UGT2B28: variants seen among roughly 807,000 people sequenced by gnomAD.
UGT2B28 encodes UDP glucuronosyltransferase family 2 member B28.
Under a neutral mutation model 43.6 loss-of-function variants are expected in UGT2B28, and 45 were observed. The ratio of observed to expected loss-of-function variants is 1.03; its 90% CI spans 0.81 to 1.32. The LOEUF (loss-of-function observed/expected upper bound fraction) is 1.32. Ranked by LOEUF, UGT2B28 falls within the 40% of genes most tolerant of loss-of-function variation. UGT2B28 has a pLI of 0.00. For missense variants in UGT2B28, 649 were observed against 625.5 expected (o/e 1.04, Z -0.40); for synonymous variants, 204 against 208.1 (o/e 0.98, Z 0.17).
intron 2 of UGT2B28, among the ~76,000 whole-genome samples, chr4:69,284,190 A>G (rs1294995305): frequency 7.1e-6 from 1 of 140,388 alleles, no homozygotes; most frequent in Non-Finnish European, 1.5e-5. Flanking sequence ...GAGATAGTGA[A>G]CAATGCATGT....
Position 69,280,484 on chromosome 4 carries a change from G to T in UGT2B28, c.-17G>T. On this transcript the variant is annotated 5_prime_UTR_variant, in exon 1 of 6. An upstream start codon of the reference 5' UTR is lost. Coordinates refer to ENST00000335568, the MANE Select transcript of UGT2B28 (RefSeq NM_053039.2). ...AAAGAAACAGTGACTTGAAAAGAATGATTGCATTGCACCAGGATGGCTCTG... is the reference window on the plus strand; with the variant it reads ...AAAGAAACAGTGACTTGAAAAGAATTATTGCATTGCACCAGGATGGCTCTG... 6.5e-7 allele frequency: 1 copy of T among 1,541,682 alleles called. No individual in the cohort carries two copies. The highest frequency in any genetic ancestry group is 1.2e-5 in the South Asian group (1 of 81,274).
chr4:69,285,206 C>A, intron 2 of UGT2B28, among the ~76,000 whole-genome samples: 1 of 138,190 alleles, frequency 7.2e-6, no homozygotes. Context: ...ATACATTGAC[C>A]TATATAAATA....
At position 69,290,771 on chromosome 4, in the gene UGT2B28, G is replaced by C; in HGVS notation, c.1270G>C (p.Asp424His). 2.6e-6 allele frequency: 4 copies of C among 1,559,708 alleles called. No homozygotes were observed. The highest frequency in any genetic ancestry group is 3.5e-6 in the Non-Finnish European group (4 of 1,155,210). The change falls in exon 5 of 6, where the codon GAC becomes CAC. Residue 424 changes from aspartate to histidine, a missense_variant. Asp to His is a moderately conservative substitution (Grantham distance 81, BLOSUM62 -1). Transcript: ENST00000335568. ...RLDFHTMSST[D>H]LLNALKTVIN... ...GGACTTCCACACAATGTCGAGTACA[G>C]ACCTGCTGAATGCACTGAAGACAGT...
chr4:69,289,831 T>C, intron 4 of UGT2B28, 79 bp downstream of exon 4: 1 of 1,330,586 alleles, frequency 7.5e-7, no homozygotes. Flanking sequence ...GAAACATGCT[T>C]ATTGAATATT....
chr4:69,294,542 T>C lies in UGT2B28; in HGVS notation c.1323T>C (p.Asn441=), dbSNP rs1237728870. The part of the protein sequence containing the change: ...TVINDPSYKE[N]VMKLSIIQHD... ...TTTTATCCTTCAGATATAAAGAGAATGTTATGAAATTATCAATAATTCAAC... is the reference window on the plus strand; with the variant it reads ...TTTTATCCTTCAGATATAAAGAGAACGTTATGAAATTATCAATAATTCAAC... The change falls in exon 6 of 6, where the codon AAT becomes AAC. Residue 441 remains asparagine, a synonymous_variant. Coordinates refer to ENST00000335568, the MANE Select transcript of UGT2B28 (RefSeq NM_053039.2). 1.9e-6 allele frequency: 3 copies of C among 1,541,878 alleles called. No individual in the cohort carries two copies.
chr4:69,289,796 C>A, intron 4 of UGT2B28, 44 bp downstream of exon 4: 1 of 1,438,076 alleles, frequency 7.0e-7, no homozygotes, highest in South Asian at 1.3e-5. Flanking sequence ...AGTAACTGCA[C>A]ATTAGAATGT....
intron 3 of UGT2B28, among the ~76,000 whole-genome samples, chr4:69,287,942 T>C (rs1220639849): frequency 7.1e-6 from 1 of 140,664 alleles, no homozygotes; most frequent in African/African-American, 2.8e-5. Context: ...ATTGTTCACT[T>C]TATGAGGATT....
chr4:69,281,930 C>A lies in UGT2B28; in HGVS notation c.722-584C>A, dbSNP rs1336950080. Among the ~76,000 whole-genome samples the A allele has an allele frequency of 2.1e-5, 3 of 140,006 alleles. 1 individual carries two copies. The highest frequency in any genetic ancestry group is 4.6e-5 in the Non-Finnish European group (3 of 65,556). 91.8% of individuals were successfully genotyped at this position (140,006 alleles called of 152,430 possible). Reference sequence around the variant, plus strand: ...GTACAGATCTCTATTTCAATAATTTCTCAAAAATTTCTAGCTATAATTTAC... The same window carrying A: ...GTACAGATCTCTATTTCAATAATTTATCAAAAATTTCTAGCTATAATTTAC... On this transcript the variant is annotated intron_variant, in intron 1 of 5. Coordinates refer to ENST00000335568, the MANE Select transcript of UGT2B28 (RefSeq NM_053039.2).
At position 69,286,770 on chromosome 4, in the gene UGT2B28, C is replaced by T. The variant is rs200390102; in HGVS notation, c.889C>T (p.Gln297Ter). 1.1e-4 allele frequency: 176 copies of T among 1,554,816 alleles called. 23 individuals are homozygous for T. Among genetic ancestry groups the T allele is most frequent in the Non-Finnish European group, 1.4e-4 (167 of 1,154,104 alleles). ...TTCACAGGAAATGGAGGAATTTGTACAGAGCTCTGGTGAAAATGGTGTTGT... is the reference window on the plus strand; with the variant it reads ...TTCACAGGAAATGGAGGAATTTGTATAGAGCTCTGGTGAAAATGGTGTTGT... ...PLPKEMEEFV[Q>*]SSGENGVVVF... Residue 297 changes from glutamine to a stop codon, truncating the protein, a stop_gained, in exon 3 of 6, where the codon CAG becomes TAG. Transcript: ENST00000335568. LOFTEE classifies it high-confidence loss of function.
chr4:69,291,726 T>G (rs1723961037), intron 5 of UGT2B28, among the ~76,000 whole-genome samples: 1 of 100,214 alleles, frequency 1.0e-5, no homozygotes, highest in Non-Finnish European at 2.2e-5. Flanking sequence ...TTTTACTTTC[T>G]TTTGGGTTGA....
At chr4:69,282,440 C>G in intron 1 of UGT2B28, 74 bp from the exon 2 acceptor site, 2 of 1,454,948 alleles carry the variant, frequency 1.4e-6, no homozygotes, top group Non-Finnish European at 9.1e-7. Context: ...CTACATAATT[C>G]TAACCCCTTT....
In UGT2B28 at chr4:69,294,935, A is replaced by G. The variant is rs1724064362; in HGVS notation, c.*126A>G. On this transcript the variant is annotated 3_prime_UTR_variant, in exon 6 of 6. Coordinates refer to ENST00000335568, the MANE Select transcript of UGT2B28 (RefSeq NM_053039.2). The stretch of plus-strand genomic sequence containing the variant: ...GTGACAAAAAAAAAAACTTTTCAAA[A>G]TCTACCTTGTCAAGTAAAAATTTGT... 7.9e-7 allele frequency: 1 copy of G among 1,267,830 alleles called. No homozygotes were observed. Among genetic ancestry groups the G allele is most frequent in the Non-Finnish European group, 1.0e-6 (1 of 980,730 alleles). 78.5% of individuals were successfully genotyped at this position (1,267,830 alleles called of 1,614,324 possible). A position where few individuals can be genotyped will look rare whatever the true frequency, so the allele number is the denominator to read the frequency against.
At position 69,292,460 on chromosome 4, in the gene UGT2B28, A is replaced by C. The variant is rs551476063; in HGVS notation, c.1310+1649A>C. Among the ~76,000 whole-genome samples the C allele has an allele frequency of 1.4e-3, 204 of 141,048 alleles. 43 individuals are homozygous for C. The highest frequency in any genetic ancestry group is 5.3e-3 in the African/African-American group (193 of 36,320). 92.5% of individuals were successfully genotyped at this position (141,048 alleles called of 152,430 possible). A position where few individuals can be genotyped will look rare whatever the true frequency, so the allele number is the denominator to read the frequency against. On this transcript the variant is annotated intron_variant, in intron 5 of 5. Coordinates refer to ENST00000335568, the MANE Select transcript of UGT2B28 (RefSeq NM_053039.2). ...AAAAGCAACACAAACCAGCTTGGAC[A>C]AATAGAAAAGAAATATAAAACAAAG... is the stretch of plus-strand genomic sequence containing the variant.
At chr4:69,294,246 A>T (rs1475523221) in intron 5 of UGT2B28, among the ~76,000 whole-genome samples, 1 of 139,816 alleles carries the variant, frequency 7.2e-6, no homozygotes, top group Non-Finnish European at 1.5e-5. Flanking sequence ...ACTTAAAATT[A>T]AAGAATTAAA....
chr4:69,286,220 G>A (rs1465471861), intron 2 of UGT2B28, among the ~76,000 whole-genome samples: 1 of 141,084 alleles, frequency 7.1e-6, no homozygotes, highest in South Asian at 2.4e-4. Context: ...CATTGTAGAG[G>A]AACATAAATG....
chr4:69,281,345 T>C lies in UGT2B28; in HGVS notation c.721+124T>C, dbSNP rs1723603604. On this transcript the variant is annotated intron_variant, in intron 1 of 5. Coordinates refer to ENST00000335568, the MANE Select transcript of UGT2B28 (RefSeq NM_053039.2). ...GGTAAGTGAATTTATGAAATGAAAATACAAGATGATCTATCAATCTCACAA... is the reference window on the plus strand; with the variant it reads ...GGTAAGTGAATTTATGAAATGAAAACACAAGATGATCTATCAATCTCACAA... The C allele has an allele frequency of 1.7e-6, 2 of 1,162,616 alleles. 1 individual carries two copies. The highest frequency in any genetic ancestry group is 3.6e-5 in the African/African-American group (2 of 55,208). The allele number at this position is 1,162,616 out of a possible 1,614,324, so 72.0% of individuals were successfully genotyped here. A position where few individuals can be genotyped will look rare whatever the true frequency, so the allele number is the denominator to read the frequency against.
Position 69,293,518 on chromosome 4 carries a change from G to T in UGT2B28, c.1311-1012G>T, listed in dbSNP as rs1231424261. On this transcript the variant is annotated intron_variant, in intron 5 of 5. Coordinates refer to ENST00000335568, the MANE Select transcript of UGT2B28 (RefSeq NM_053039.2). ...CACAGAAAATAGAGAAAATTCTAGA[G>T]GCTCCATCACAGTTTGGCCAATAAA... Among the ~76,000 whole-genome samples, 4 of 140,142 alleles carry T rather than the reference G, an allele frequency of 2.9e-5. 1 individual carries two copies. The highest frequency in any genetic ancestry group is 4.6e-5 in the Non-Finnish European group (3 of 65,716). 91.9% of individuals were successfully genotyped at this position (140,142 alleles called of 152,430 possible).
At chr4:69,289,849 G>C in intron 4 of UGT2B28, 97 bp downstream of exon 4, 2 of 1,265,936 alleles carry the variant, frequency 1.6e-6, no homozygotes, top group South Asian at 1.6e-5. Flanking sequence ...ATTTATTATA[G>C]GAAAACAAAA....
At position 69,293,646 on chromosome 4, in the gene UGT2B28, A is replaced by G. The variant is rs181356465; in HGVS notation, c.1311-884A>G. Among the ~76,000 whole-genome samples, 182 of 139,722 alleles carry G rather than the reference A, an allele frequency of 1.3e-3. 46 individuals carry two copies. Among genetic ancestry groups the G allele is most frequent in the African/African-American group, 4.8e-3 (171 of 35,766 alleles). The allele number at this position is 139,722 out of a possible 152,430, so 91.7% of individuals were successfully genotyped here. A position where few individuals can be genotyped will look rare whatever the true frequency, so the allele number is the denominator to read the frequency against. ...GTACTCCAAGAGCAGGAGAGAAGGA[A>G]CAAAATGTGTAAAGTGCTAAGATGA... On this transcript the variant is annotated intron_variant, in intron 5 of 5. Transcript: ENST00000335568.
Sources: allele counts gnomAD v4.1 joint callset (sites outside exome capture counted in the v4.1 genomes callset), GRCh38; gene constraint gnomAD v4.1.1; transcripts MANE v1.5; gene names NCBI Gene and HGNC (gene_info 2026-07-23, HGNC 2026-07-21).